SCN4B: variants seen among roughly 807,000 people sequenced by gnomAD.
SCN4B encodes the protein sodium channel regulatory subunit beta-4.
Under a neutral mutation model 19.6 loss-of-function variants are expected in SCN4B, and 20 were observed. That is an observed-to-expected ratio of 1.02 (90% confidence interval 0.72 to 1.48). SCN4B has a LOEUF of 1.48. Among genes scored for constraint, SCN4B ranks in the 40% most tolerant of loss-of-function variants. The pLI, the probability that SCN4B is intolerant of heterozygous loss-of-function variation, is 0.00. For missense variants in SCN4B, 271 were observed against 287.5 expected (o/e 0.94, Z 0.42); for synonymous variants, 127 against 122.8 (o/e 1.03, Z -0.22).
rs1411982709 is a variant in SCN4B at position 118,135,812 on chromosome 11, C to T, written c.*1215G>A. The T allele has an allele frequency of 2.2e-6, 1 of 454,532 alleles. No individual in the cohort carries two copies. The allele number at this position is 454,532 out of a possible 1,614,324, so 28.2% of individuals were successfully genotyped here. On this transcript the variant is annotated 3_prime_UTR_variant, in exon 5 of 5. Transcript: ENST00000324727. ...CACATTCTAGCCCCACACACAAGGG[C>T]TGTGCAAACCAGCTCTGGGAGAAGC...
intron 1 of SCN4B, among the ~76,000 whole-genome samples, chr11:118,149,851 G>T (rs1948218870): frequency 6.6e-6 from 1 of 152,118 alleles, no homozygotes; most frequent in Non-Finnish European, 1.5e-5. Context: ...TAAGAGCTTT[G>T]GAACTCCAGC....
At chr11:118,145,461 T>C (rs1216885213) in intron 1 of SCN4B, 3 of 1,452,632 alleles carry the variant, frequency 2.1e-6, no homozygotes, top group Middle Eastern at 2.5e-4. Flanking sequence ...GTAGCCCTTG[T>C]TGCGCTCTGG....
At chr11:118,142,971 CG>C (rs1373132147) in intron 3 of SCN4B, 1 of 152,272 alleles carries the variant, frequency 6.6e-6, no homozygotes, top group Non-Finnish European at 1.5e-5. Flanking sequence ...ATTGAACTCA[CG>C]GGTGTCTCCC....
chr11:118,136,251 A>G lies in SCN4B; in HGVS notation c.*776T>C, dbSNP rs1033248439. 2.2e-6 allele frequency: 1 copy of G among 453,822 alleles called. No homozygotes were observed. Among genetic ancestry groups the G allele is most frequent in the Non-Finnish European group, 4.4e-6 (1 of 226,694 alleles). The allele number at this position is 453,822 out of a possible 1,614,324, so 28.1% of individuals were successfully genotyped here. Reference sequence around the variant, plus strand: ...CTCTGTGGCCCAATTCCCCAAGTAGAAATGCTTGGAAAGGCATAGGGAGCA... The same window carrying G: ...CTCTGTGGCCCAATTCCCCAAGTAGGAATGCTTGGAAAGGCATAGGGAGCA... On this transcript the variant is annotated 3_prime_UTR_variant, in exon 5 of 5. Coordinates refer to ENST00000324727, the MANE Select transcript of SCN4B (RefSeq NM_174934.4).
intron 4 of SCN4B, 108 bp downstream of exon 4, chr11:118,141,098 AT>A: frequency 8.1e-7 from 1 of 1,233,320 alleles, no homozygotes; most frequent in Non-Finnish European, 1.2e-6. Flanking sequence ...AGCGGTAGGA[AT>A]GGGAATGGGG....
chr11:118,140,668 A>G (rs1471463179), intron 4 of SCN4B, among the ~76,000 whole-genome samples: 1 of 152,064 alleles, frequency 6.6e-6, no homozygotes, highest in African/African-American at 2.4e-5. Context: ...CCCCTTATAG[A>G]TGTCTATTTT....
At chr11:118,149,639 TCAGTGAAAC>T (rs1365099086) in intron 1 of SCN4B, among the ~76,000 whole-genome samples, 5 of 152,160 alleles carry the variant, frequency 3.3e-5, no homozygotes, top group African/African-American at 1.2e-4. Context: ...CATGGGATGC[TCAGTGAAAC>T]CAGCTTTGCA....
chr11:118,139,032 G>C (rs1480520590), intron 4 of SCN4B, among the ~76,000 whole-genome samples: 2 of 152,030 alleles, frequency 1.3e-5, no homozygotes, highest in Non-Finnish European at 2.9e-5. Context: ...ACCATGGCCA[G>C]ATCCTTTCTT....
intron 4 of SCN4B, among the ~76,000 whole-genome samples, chr11:118,138,107 C>T (rs749157414): frequency 6.6e-6 from 1 of 152,070 alleles, no homozygotes; most frequent in Non-Finnish European, 1.5e-5. Context: ...TCCACAGCAG[C>T]GCCCAGGCTG....
At chr11:118,145,264 C>T (rs1381384752) in intron 1 of SCN4B, 35 bp from the exon 2 acceptor site, 1 of 1,613,296 alleles carries the variant, frequency 6.2e-7, no homozygotes, top group Non-Finnish European at 8.5e-7. Context: ...TAATAAAACC[C>T]CACCAGCCTG....
intron 4 of SCN4B, among the ~76,000 whole-genome samples, chr11:118,140,586 G>A (rs1320517424): frequency 6.6e-6 from 1 of 152,200 alleles, no homozygotes; most frequent in East Asian, 1.9e-4. Context: ...TCTGGAGCCT[G>A]TCTGATACTG....
At position 118,137,048 on chromosome 11, in the gene SCN4B, C is replaced by A; in HGVS notation, c.666G>T (p.Glu222Asp). 6.2e-7 allele frequency: 1 copy of A among 1,613,828 alleles called. No individual in the cohort carries two copies. The change falls in exon 5 of 5, where the codon GAG (glutamate) becomes GAT (aspartate). Residue 222 changes from glutamate (E) to aspartate (D), a missense_variant. Coordinates refer to ENST00000324727, the MANE Select transcript of SCN4B (RefSeq NM_174934.4). Reference protein sequence around the residue: ...ENGLPGSKAEEKPPSKV With the variant: ...ENGLPGSKAEDKPPSKV ...GGGCTCACACTTTTGAAGGTGGTTT[C>A]TCCTCTGCCTTGGAGCCAGGCAAGC...
chr11:118,152,761 A>G lies in SCN4B; in HGVS notation c.-88T>C, dbSNP rs1948247216. On this transcript the variant is annotated 5_prime_UTR_variant, in exon 1 of 5. Coordinates refer to ENST00000324727, the MANE Select transcript of SCN4B (RefSeq NM_174934.4). ...CTCCGCCCGAGGTCGGCGTTCGGCC[A>G]CAAAGCTACCCCGGAGCTCTGCGCC... 1.9e-6 allele frequency: 2 copies of G among 1,057,746 alleles called. No homozygotes were observed. Among genetic ancestry groups the G allele is most frequent in the Admixed American group, 2.4e-5 (1 of 42,342 alleles). 65.5% of individuals were successfully genotyped at this position (1,057,746 alleles called of 1,614,324 possible).
rs777713017 is a variant in SCN4B, at chr11:118,134,060, A to G, written c.*2967T>C. On this transcript the variant is annotated 3_prime_UTR_variant, in exon 5 of 5. Transcript: ENST00000324727. Reference sequence around the variant, plus strand: ...CCCCACCTCCTGCCATCTCACAAGCATGCTCTCAAGCCCTCGCTCCACAAG... The same window carrying G: ...CCCCACCTCCTGCCATCTCACAAGCGTGCTCTCAAGCCCTCGCTCCACAAG... 2.2e-6 allele frequency: 1 copy of G among 454,518 alleles called. No individual in the cohort carries two copies. The highest frequency in any genetic ancestry group is 1.6e-5 in the South Asian group (1 of 64,474). The allele number at this position is 454,518 out of a possible 1,614,324, so 28.2% of individuals were successfully genotyped here.
chr11:118,136,177 G>A lies in SCN4B; in HGVS notation c.*850C>T, dbSNP rs1460257849. The A allele has an allele frequency of 1.1e-5, 5 of 453,612 alleles. No homozygotes were observed. The highest frequency in any genetic ancestry group is 2.2e-5 in the Non-Finnish European group (5 of 226,672). The allele number at this position is 453,612 out of a possible 1,614,324, so 28.1% of individuals were successfully genotyped here. ...TGCCAGGGGAGGGGCTGCCAGCATT[G>A]GCAGCAATGGGGCGGGCATCCCAGA... is the stretch of plus-strand genomic sequence containing the variant. On this transcript the variant is annotated 3_prime_UTR_variant, in exon 5 of 5. Coordinates refer to ENST00000324727, the MANE Select transcript of SCN4B (RefSeq NM_174934.4).
intron 1 of SCN4B, among the ~76,000 whole-genome samples, chr11:118,146,649 TG>T (rs760008090): frequency 7.9e-4 from 120 of 152,298 alleles, no homozygotes; most frequent in South Asian, 3.1e-3. Context: ...CAAAGTGAAG[TG>T]CTTATATCCC....
intron 2 of SCN4B, among the ~76,000 whole-genome samples, chr11:118,144,701 T>C (rs1186126867): frequency 6.6e-6 from 1 of 152,156 alleles, no homozygotes; most frequent in Non-Finnish European, 1.5e-5. Flanking sequence ...CTTCCCTCAT[T>C]CAGACTCTTC....
At position 118,136,093 on chromosome 11, in the gene SCN4B, G is replaced by GGGGGAGAAGCC. The variant is rs1555096169; in HGVS notation, c.*933_*934insGGCTTCTCCCC. On this transcript the variant is annotated 3_prime_UTR_variant, in exon 5 of 5. Coordinates refer to ENST00000324727, the MANE Select transcript of SCN4B (RefSeq NM_174934.4). ...GGAGGGTGCAGCCTCTCAGGTAGGA[G>GGGGGAGAAGCC]GGGGAGAAGCAGGGGAGAGCTGGGC... is the stretch of plus-strand genomic sequence containing the variant. 2.7e-6 allele frequency: 1 copy of GGGGGAGAAGCC among 367,444 alleles called. No individual in the cohort carries two copies. Among genetic ancestry groups the GGGGGAGAAGCC allele is most frequent in the South Asian group, 1.6e-5 (1 of 62,018 alleles). The allele number at this position is 367,444 out of a possible 1,614,324, so 22.8% of individuals were successfully genotyped here.
At position 118,137,115 on chromosome 11, in the gene SCN4B, T is replaced by C. The variant is rs750707860; in HGVS notation, c.599A>G (p.Glu200Gly). The change falls in exon 5 of 5, where the codon GAG becomes GGG. Residue 200 changes from glutamate to glycine, a missense_variant. By Grantham distance (98) the Glu-to-Gly change is moderately conservative (BLOSUM62 -2). Transcript: ENST00000324727. ...ILKKTREKKK[E>G]CLVSSSGNDN... ...ATTCCCCGAGGAGCTCACGAGACAC[T>C]CCTTCCTGGAGAGGGAGAGAGAAGG... 1 of 1,611,818 alleles carries C rather than the reference T, an allele frequency of 6.2e-7. No individual in the cohort carries two copies. The highest frequency in any genetic ancestry group is 1.3e-5 in the African/African-American group (1 of 74,820).
Sources: allele counts gnomAD v4.1 joint callset (sites outside exome capture counted in the v4.1 genomes callset), GRCh38; gene constraint gnomAD v4.1.1; transcripts MANE v1.5; gene names NCBI Gene and HGNC (gene_info 2026-07-23, HGNC 2026-07-21).